The following RAPGEF2 variants were observed in gnomAD, a reference collection of about 807,000 sequenced individuals.
The protein encoded by RAPGEF2 is Rap guanine nucleotide exchange factor 2, also known as PDZ domain containing guanine nucleotide exchange factor (GEF) 1.
Under a neutral mutation model 186.7 loss-of-function variants are expected in RAPGEF2, and 54 were observed. The observed-to-expected ratio is 0.29, with a 90% CI of 0.23 to 0.36. The LOEUF (loss-of-function observed/expected upper bound fraction) is 0.36. Among genes scored for constraint, RAPGEF2 ranks in the 10% least tolerant of loss-of-function variants. The probability of loss-of-function intolerance (pLI) is 1.00; values close to 1 mark genes in which losing one functional copy is unlikely to be tolerated. For missense variants in RAPGEF2, 1,532 were observed against 2,045.0 expected (o/e 0.75, Z 4.84); for synonymous variants, 712 against 705.9 (o/e 1.01, Z -0.14).
At chr4:159,120,888 C>T (rs1739600492) in intron 1 of RAPGEF2, among the ~76,000 whole-genome samples, 1 of 151,012 alleles carries the variant, frequency 6.6e-6, no homozygotes, top group Admixed American at 6.6e-5. Flanking sequence ...GGAGTCTTGC[C>T]CTGTTGCCCA....
In RAPGEF2 at chr4:159,331,735, A is replaced by G. The variant is rs779757030; in HGVS notation, c.1681A>G (p.Ile561Val). 3 of 1,614,034 alleles carry G rather than the reference A, an allele frequency of 1.9e-6. No individual in the cohort carries two copies. The highest frequency in any genetic ancestry group is 2.5e-6 in the Non-Finnish European group (3 of 1,180,004). ...KPSREAPLPF[I>V]LLGGSEKGFG... is the part of the protein sequence containing the mutation. ...ATCCCGAGAAGCTCCTTTGCCTTTTATCTTACTTGGAGGCTCTGAGAAGGG... is the reference window on the plus strand; with the variant it reads ...ATCCCGAGAAGCTCCTTTGCCTTTTGTCTTACTTGGAGGCTCTGAGAAGGG... The change falls in exon 15 of 30, where the codon ATC (isoleucine) becomes GTC (valine). Residue 561 changes from isoleucine (I) to valine (V), a missense_variant. This residue lies in a region of RAPGEF2 where 810 missense variants were observed against 1,210.5 expected (regional missense o/e 0.67). Transcript: ENST00000691494.
intron 1 of RAPGEF2, among the ~76,000 whole-genome samples, chr4:159,164,343 G>C (rs1157441400): frequency 6.6e-5 from 10 of 151,318 alleles, no homozygotes; most frequent in African/African-American, 9.7e-5. Flanking sequence ...TATTAAACGG[G>C]AGAGACAGGA....
In RAPGEF2 at chr4:159,314,625, G is replaced by A; in HGVS notation, c.710G>A (p.Ser237Asn). 6.2e-7 allele frequency: 1 copy of A among 1,613,934 alleles called. No homozygotes were observed. Among genetic ancestry groups the A allele is most frequent in the Non-Finnish European group, 8.5e-7 (1 of 1,179,936 alleles). The change falls in exon 9 of 30, where the codon AGT (serine) becomes AAT (asparagine). Residue 237 changes from serine to asparagine, a missense_variant. Transcript: ENST00000691494. ...AGCGAGGCTGGTGATATGGACCTGA[G>A]TGGGTTGCCAGAAACAGCAGTGGAT... ...TESEAGDMDL[S>N]GLPETAVDSE...
Position 159,353,976 on chromosome 4 carries a change from G to A in RAPGEF2, c.4581G>A (p.Thr1527=), listed in dbSNP as rs765122591. 5.1e-5 allele frequency: 82 copies of A among 1,613,458 alleles called. No homozygotes were observed. Among genetic ancestry groups the A allele is most frequent in the Non-Finnish European group, 5.9e-5 (70 of 1,179,942 alleles). ...AESSSLTSVT[T]EETKPVPMPA... ...GCAGTAGCCTAACGTCTGTGACTAC[G>A]GAAGAAACCAAGCCTGTCCCCATGC... Residue 1527 remains threonine (T), a synonymous_variant, in exon 28 of 30, where the codon ACG becomes ACA. Coordinates refer to ENST00000691494, the MANE Select transcript of RAPGEF2 (RefSeq NM_001394067.2). This position sits in a 1 kb window ranked among gnomAD's most constrained non-coding sequence, Gnocchi z 4.3.
intron 1 of RAPGEF2, among the ~76,000 whole-genome samples, chr4:159,166,989 T>C (rs1745389139): frequency 6.6e-6 from 1 of 152,104 alleles, no homozygotes; most frequent in Non-Finnish European, 1.5e-5. Context: ...GGCAACCGCC[T>C]AAAAAATGAC....
chr4:159,357,901 G>T (rs1270788397), intron 29 of RAPGEF2, among the ~76,000 whole-genome samples: 2 of 151,752 alleles, frequency 1.3e-5, no homozygotes, highest in Non-Finnish European at 2.9e-5. Context: ...TTTTAATATT[G>T]TGTGTATATA....
intron 17 of RAPGEF2, among the ~76,000 whole-genome samples, chr4:159,337,889 C>CAAAAAAAAAAAAAAAAAAAAAAA (rs553291521): frequency 3.1e-5 from 1 of 32,576 alleles, no homozygotes; most frequent in African/African-American, 6.6e-5. Flanking sequence ...GACTCCATCT[C>CAAAAAAAAAAAAAAAAAAAAAAA]AAAAAAAAAA....
At chr4:159,251,259 G>A (rs529717496) in intron 7 of RAPGEF2, among the ~76,000 whole-genome samples, 8 of 152,362 alleles carry the variant, frequency 5.3e-5, no homozygotes, top group African/African-American at 1.4e-4. Context: ...CCCGACGGGC[G>A]CCGTCCCTTG....
chr4:159,240,776 G>A (rs1275846752), intron 5 of RAPGEF2, among the ~76,000 whole-genome samples: 1 of 150,112 alleles, frequency 6.7e-6, no homozygotes, highest in Non-Finnish European at 1.5e-5. Context: ...AGTCATTCAG[G>A]ATTTGGAAGT....
chr4:159,218,534 T>C (rs1751202829), intron 4 of RAPGEF2, among the ~76,000 whole-genome samples: 1 of 152,132 alleles, frequency 6.6e-6, no homozygotes, highest in Non-Finnish European at 1.5e-5. Context: ...GGCAGGCAGA[T>C]CACCTGAGGT....
chr4:159,306,742 A>G (rs1763344681), intron 8 of RAPGEF2, among the ~76,000 whole-genome samples: 1 of 152,090 alleles, frequency 6.6e-6, no homozygotes, highest in Non-Finnish European at 1.5e-5. Context: ...TTCCCTGTTC[A>G]GTAAGCTGTA....
At chr4:159,324,431 G>A (rs1765657206) in intron 11 of RAPGEF2, among the ~76,000 whole-genome samples, 1 of 151,956 alleles carries the variant, frequency 6.6e-6, no homozygotes, top group South Asian at 2.1e-4. Flanking sequence ...CTATGTGTTC[G>A]ACTAAAAAAA....
At chr4:159,176,752 A>G (rs905240559) in intron 1 of RAPGEF2, among the ~76,000 whole-genome samples, 3 of 152,234 alleles carry the variant, frequency 2.0e-5, no homozygotes, top group African/African-American at 7.2e-5. Flanking sequence ...ACCTCTTGTA[A>G]TTTTAAACAA....
intron 4 of RAPGEF2, among the ~76,000 whole-genome samples, chr4:159,228,689 C>G (rs1752297581): frequency 6.6e-6 from 1 of 152,058 alleles, no homozygotes; most frequent in African/African-American, 2.4e-5. Context: ...CGGTTAAAGT[C>G]CATGCTTTAG....
chr4:159,219,489 G>T (rs1751318571), intron 4 of RAPGEF2, among the ~76,000 whole-genome samples: 1 of 151,330 alleles, frequency 6.6e-6, no homozygotes, highest in South Asian at 2.1e-4. Flanking sequence ...CCGAGTAGCT[G>T]GGACTACAGG....
chr4:159,146,501 A>G (rs924665211), intron 1 of RAPGEF2, among the ~76,000 whole-genome samples: 3 of 152,280 alleles, frequency 2.0e-5, no homozygotes, highest in African/African-American at 7.2e-5. Context: ...TTCTGTGTCA[A>G]TATTTGTAAT....
intron 7 of RAPGEF2, among the ~76,000 whole-genome samples, chr4:159,285,757 T>C (rs1561211908): frequency 6.6e-6 from 1 of 152,164 alleles, no homozygotes; most frequent in East Asian, 1.9e-4. Context: ...AGAATCACTG[T>C]CTCATCACAG....
intron 7 of RAPGEF2, among the ~76,000 whole-genome samples, chr4:159,276,735 T>C (rs1758931060): frequency 6.6e-6 from 1 of 152,166 alleles, no homozygotes; most frequent in South Asian, 2.1e-4. Flanking sequence ...CCGTTCATTG[T>C]CCTTATTTCC....
intron 3 of RAPGEF2, among the ~76,000 whole-genome samples, chr4:159,195,571 A>G (rs1748551581): frequency 6.6e-6 from 1 of 152,214 alleles, no homozygotes; most frequent in Non-Finnish European, 1.5e-5. Flanking sequence ...TTGAGACGAT[A>G]AAGAACTGCC....
Sources: allele counts gnomAD v4.1 joint callset (sites outside exome capture counted in the v4.1 genomes callset), GRCh38; gene constraint gnomAD v4.1.1; regional missense constraint gnomAD v4.1.1; non-coding constraint Gnocchi (gnomAD v3.1); transcripts MANE v1.5; gene names NCBI Gene and HGNC (gene_info 2026-07-23, HGNC 2026-07-21).